Variants in MEIG1 observed in about 807,000 individuals in gnomAD.
MEIG1 encodes meiosis expressed gene 1 protein homolog.
A neutral mutation model predicts 11.3 loss-of-function variants in MEIG1; 12 were observed. The ratio of observed to expected loss-of-function variants is 1.07; its 90% CI spans 0.68 to 1.73. MEIG1 has a LOEUF of 1.73. MEIG1 is among the 40% of genes most tolerant of loss of function. The pLI is 0.00. For synonymous variants in MEIG1, 41 were observed against 33.2 expected (o/e 1.24, Z -0.81); for missense variants, 119 against 104.9 (o/e 1.13, Z -0.59).
chr10:14,956,271 C>A (rs1842949680), upstream of MEIG1, among the ~76,000 whole-genome samples: 1 of 152,096 alleles, frequency 6.6e-6, no homozygotes, highest in African/African-American at 2.4e-5. Context: ...TTGAGAACCA[C>A]TGGATTCGAG....
At chr10:14,983,413 T>C (rs1843284830) in intron 1 of MEIG1, among the ~76,000 whole-genome samples, 2 of 151,980 alleles carry the variant, frequency 1.3e-5, no homozygotes, top group African/African-American at 2.4e-5. Flanking sequence ...ATATTCTTCC[T>C]AGCAGCCAGG....
the MEIG1 span, chr10:14,954,275 T>A: frequency 5.3e-6 from 3 of 568,792 alleles, no homozygotes; most frequent in Non-Finnish European, 9.4e-6. Flanking sequence ...CAAGGCTCAT[T>A]CCCGCCCAAC....
At chr10:14,967,030 A>G (rs1271256744) in intron 2 of MEIG1, among the ~76,000 whole-genome samples, 1 of 152,176 alleles carries the variant, frequency 6.6e-6, no homozygotes, top group African/African-American at 2.4e-5. Flanking sequence ...CAGGACGCCC[A>G]GCCAGACTCT....
At chr10:14,973,067 C>CCAG (rs1843170631), downstream of MEIG1, among the ~76,000 whole-genome samples, 1 of 151,714 alleles carries the variant, frequency 6.6e-6, no homozygotes, top group African/African-American at 2.4e-5. Flanking sequence ...GATTTCATCA[C>CCAG]GTTGGCCAGG....
At chr10:14,986,701 C>G (rs1384812880) in intron 1 of MEIG1, 1 of 290,360 alleles carries the variant, frequency 3.4e-6, no homozygotes, top group African/African-American at 2.2e-5. Flanking sequence ...GCTCCGCCTC[C>G]TGAGTTCAAG....
downstream of MEIG1, among the ~76,000 whole-genome samples, chr10:14,974,404 C>T (rs773764396): frequency 5.3e-5 from 8 of 151,992 alleles, no homozygotes; most frequent in South Asian, 2.1e-4. Flanking sequence ...CGGTAGAGGG[C>T]GGTGTATTGT....
At chr10:14,978,245 G>A (rs886499878) in intron 1 of MEIG1, among the ~76,000 whole-genome samples, 1 of 151,828 alleles carries the variant, frequency 6.6e-6, no homozygotes, top group Non-Finnish European at 1.5e-5. Context: ...AAGACCCAGG[G>A]ATATATTACT....
chr10:14,981,543 G>T (rs186928439), intron 1 of MEIG1, among the ~76,000 whole-genome samples: 1 of 152,040 alleles, frequency 6.6e-6, no homozygotes, highest in South Asian at 2.1e-4. Flanking sequence ...CGACCGGGGC[G>T]GTTACTAGCG....
upstream of MEIG1, among the ~76,000 whole-genome samples, chr10:14,955,511 C>T (rs1046578828): frequency 1.3e-5 from 2 of 152,070 alleles, no homozygotes; most frequent in African/African-American, 4.8e-5. Flanking sequence ...CAGGACCAGC[C>T]TGGACAACAT....
At chr10:14,978,918 C>T (rs1345268575) in intron 1 of MEIG1, among the ~76,000 whole-genome samples, 1 of 151,986 alleles carries the variant, frequency 6.6e-6, no homozygotes, top group Non-Finnish European at 1.5e-5. Context: ...AGAAATGTTA[C>T]TCATAAATCA....
chr10:14,970,212 C>T (rs1057460109), intron 2 of MEIG1: 2 of 152,164 alleles, frequency 1.3e-5, no homozygotes, highest in Non-Finnish European at 2.9e-5. Context: ...AGGGGAAAGT[C>T]CTTGAACTTG....
At chr10:14,987,335 G>C (rs1403692560) in intron 2 of MEIG1, 1 of 771,710 alleles carries the variant, frequency 1.3e-6, no homozygotes, top group Admixed American at 1.8e-5. Context: ...CAGATACAAG[G>C]ACAGGGACAG....
At chr10:14,957,544 A>G (rs1842963424), upstream of MEIG1, among the ~76,000 whole-genome samples, 1 of 152,218 alleles carries the variant, frequency 6.6e-6, no homozygotes, top group African/African-American at 2.4e-5. Flanking sequence ...GGCTTTGCTC[A>G]CCATGTATAG....
At chr10:14,985,757 G>T (rs914675479) in intron 1 of MEIG1, among the ~76,000 whole-genome samples, 1 of 151,908 alleles carries the variant, frequency 6.6e-6, no homozygotes, top group African/African-American at 2.4e-5. Context: ...TATGTCACAG[G>T]GGTGTACATG....
chr10:14,960,040 G>A (rs778502489), intron 1 of MEIG1, among the ~76,000 whole-genome samples: 5 of 152,226 alleles, frequency 3.3e-5, no homozygotes, highest in Non-Finnish European at 5.9e-5. Context: ...AGGGACCGCC[G>A]GGCGTGCTTT....
rs538237235 is a variant in MEIG1 at position 14,962,925 on chromosome 10, G to A, written c.-30+3368G>A. Among the ~76,000 whole-genome samples, 277 of 151,446 alleles carry A rather than the reference G, an allele frequency of 1.8e-3. 1 individual carries two copies. Among genetic ancestry groups the A allele is most frequent in the Non-Finnish European group, 3.2e-3 (220 of 67,870 alleles). The stretch of plus-strand genomic sequence containing the variant: ...ATTACAGGCATGCGCCACCATGCCT[G>A]GCTAATTTTTATATTTTTAGTAGAC... On this transcript the variant is annotated intron_variant, in intron 1 of 2. Transcript: ENST00000407572.
At chr10:14,984,422 T>C (rs558840366) in intron 1 of MEIG1, among the ~76,000 whole-genome samples, 1 of 152,228 alleles carries the variant, frequency 6.6e-6, no homozygotes, top group Non-Finnish European at 1.5e-5. Flanking sequence ...GGAATGTTAA[T>C]CATGTTGTCA....
At chr10:14,968,326 A>G (rs541026326) in intron 2 of MEIG1, among the ~76,000 whole-genome samples, 1 of 152,154 alleles carries the variant, frequency 6.6e-6, no homozygotes, top group East Asian at 1.9e-4. Context: ...TGTCTCTACT[A>G]AAAATACAAA....
intron 1 of MEIG1, among the ~76,000 whole-genome samples, chr10:14,961,002 C>G (rs540847466): frequency 6.6e-6 from 1 of 152,226 alleles, no homozygotes; most frequent in African/African-American, 2.4e-5. Context: ...GCGCTCCAGC[C>G]TGAGCAACAA....
Sources: gnomAD v4.1 joint callset for allele counts (sites outside exome capture counted in the v4.1 genomes callset) on GRCh38, gnomAD v4.1.1 for gene constraint, MANE v1.5 for transcripts, NCBI Gene and HGNC (gene_info 2026-07-23, HGNC 2026-07-21) for gene names.